The following FARP1 variants were observed in gnomAD, a reference collection of about 807,000 sequenced individuals.
The protein encoded by FARP1 is FERM, ARHGEF and pleckstrin domain-containing protein 1.
Under a neutral mutation model 128.8 loss-of-function variants are expected in FARP1, and 52 were observed. The observed-to-expected ratio is 0.40, with a 90% CI of 0.32 to 0.51. FARP1 has a LOEUF of 0.51. Ranked by LOEUF, FARP1 falls within the 20% of genes least tolerant of loss-of-function variation. FARP1 has a pLI of 0.45. For missense variants in FARP1, 1,333 were observed against 1,367.9 expected, an observed-to-expected ratio of 0.97 and a Z score of 0.40; for synonymous variants, 580 against 551.8, an observed-to-expected ratio of 1.05 and a Z score of -0.72.
At chr13:98,229,579 C>T (rs960513057) in intron 2 of FARP1, among the ~76,000 whole-genome samples, 10 of 151,814 alleles carry the variant, frequency 6.6e-5, no homozygotes, top group African/African-American at 1.9e-4. Flanking sequence ...TGGCTCACTG[C>T]AGCCTCAACC....
chr13:98,292,917 T>TA (rs1885513860), intron 2 of FARP1, among the ~76,000 whole-genome samples: 1 of 152,294 alleles, frequency 6.6e-6, no homozygotes, highest in Admixed American at 6.5e-5. Flanking sequence ...CCTGTGTAGA[T>TA]AACGTGCTTT....
intron 5 of FARP1, among the ~76,000 whole-genome samples, chr13:98,369,644 C>G (rs528519170): frequency 6.6e-6 from 1 of 152,162 alleles, no homozygotes; most frequent in East Asian, 1.9e-4. Context: ...CGATAGTTTA[C>G]TGAGAATGAT....
rs9582217 is a variant in FARP1 at position 98,344,490 on chromosome 13, G to A, written c.276+624G>A. On this transcript the variant is annotated intron_variant, in intron 3 of 26. Transcript: ENST00000319562. ...GAAGATGAGTCCCATTCCAGCTTGA[G>A]GAGGCAGGGGCATCCGTGGCATTCA... Among the ~76,000 whole-genome samples the A allele has an allele frequency of 6.8e-3, 1,037 of 151,976 alleles. 13 individuals carry two copies. Among genetic ancestry groups the A allele is most frequent in the African/African-American group, 0.023 (954 of 41,578 alleles).
chr13:98,282,676 A>G (rs961508778), intron 2 of FARP1, among the ~76,000 whole-genome samples: 1 of 152,164 alleles, frequency 6.6e-6, no homozygotes, highest in Non-Finnish European at 1.5e-5. Flanking sequence ...AGGCCGAGGC[A>G]GGCGGATCAC....
intron 2 of FARP1, among the ~76,000 whole-genome samples, chr13:98,252,036 C>A (rs2139495702): frequency 6.6e-6 from 1 of 152,158 alleles, no homozygotes; most frequent in Admixed American, 6.5e-5. Flanking sequence ...TTAGTAGAGA[C>A]AGGGTTTCAC....
chr13:98,297,676 C>A (rs534405870), intron 2 of FARP1, among the ~76,000 whole-genome samples: 1 of 152,118 alleles, frequency 6.6e-6, no homozygotes, highest in African/African-American at 2.4e-5. Flanking sequence ...TGTTTATGAA[C>A]GGGCTGACAT....
intron 1 of FARP1, among the ~76,000 whole-genome samples, chr13:98,145,550 G>A (rs1205855275): frequency 7.6e-6 from 1 of 131,924 alleles, no homozygotes; most frequent in Non-Finnish European, 1.8e-5. Flanking sequence ...CTGGAGGAAC[G>A]TTTTTGTTTC....
intron 1 of FARP1, among the ~76,000 whole-genome samples, chr13:98,157,146 C>T (rs1051539342): frequency 8.5e-5 from 13 of 152,306 alleles, no homozygotes; most frequent in African/African-American, 3.1e-4. Flanking sequence ...AAGCATGAAT[C>T]AGTGCCCTTT....
intron 2 of FARP1, among the ~76,000 whole-genome samples, chr13:98,266,059 T>A (rs1221168837): frequency 6.6e-6 from 1 of 152,116 alleles, no homozygotes; most frequent in Non-Finnish European, 1.5e-5. Flanking sequence ...TTTCCCATTT[T>A]TTTTTCCTAG....
At chr13:98,405,875 C>T (rs1406937866) in intron 13 of FARP1, 5 of 152,318 alleles carry the variant, frequency 3.3e-5, no homozygotes, top group Non-Finnish European at 4.4e-5. Context: ...GTCACAGTTT[C>T]CTCTCCCCGT....
chr13:98,332,188 T>A (rs1048692631), intron 2 of FARP1, among the ~76,000 whole-genome samples: 3 of 152,144 alleles, frequency 2.0e-5, no homozygotes, highest in African/African-American at 7.2e-5. Flanking sequence ...TTTTTCATCT[T>A]CCCAAACTGA....
chr13:98,204,148 G>A (rs1013674940), intron 1 of FARP1: 8 of 152,208 alleles, frequency 5.3e-5, no homozygotes, highest in African/African-American at 1.9e-4. Flanking sequence ...GAACCCTGAC[G>A]ATCAATGGGG....
At chr13:98,328,887 CA>C (rs1353282893) in intron 2 of FARP1, 1 of 152,042 alleles carries the variant, frequency 6.6e-6, no homozygotes, top group Non-Finnish European at 1.5e-5. Context: ...GCGGGAAATT[CA>C]AAACTTAGGG....
chr13:98,341,659 A>G (rs1210420601), intron 2 of FARP1, among the ~76,000 whole-genome samples: 1 of 152,138 alleles, frequency 6.6e-6, no homozygotes, highest in Non-Finnish European at 1.5e-5. Flanking sequence ...CAACAACAAC[A>G]ACAAAAATAA....
At chr13:98,187,370 A>G (rs1337520148) in intron 1 of FARP1, among the ~76,000 whole-genome samples, 2 of 152,216 alleles carry the variant, frequency 1.3e-5, no homozygotes, top group South Asian at 2.1e-4. Context: ...GCACCGTATG[A>G]TAAGTGTCAG....
chr13:98,214,019 A>G (rs953381125), intron 2 of FARP1, among the ~76,000 whole-genome samples: 1 of 152,076 alleles, frequency 6.6e-6, no homozygotes, highest in African/African-American at 2.4e-5. Context: ...AGGCCCTGCC[A>G]CCGCAGGGCC....
At chr13:98,442,327 A>G (rs1407485989) in intron 24 of FARP1, among the ~76,000 whole-genome samples, 1 of 152,222 alleles carries the variant, frequency 6.6e-6, no homozygotes, top group East Asian at 1.9e-4. Context: ...GAGTCTCGGA[A>G]TTTATTCTCG....
intron 2 of FARP1, among the ~76,000 whole-genome samples, chr13:98,301,290 G>C (rs1885913314): frequency 6.6e-6 from 1 of 152,148 alleles, no homozygotes; most frequent in Non-Finnish European, 1.5e-5. Flanking sequence ...GGCTTTCTCT[G>C]GTCCACGTGT....
At chr13:98,323,695 A>G (rs1338271404) in intron 2 of FARP1, among the ~76,000 whole-genome samples, 2 of 151,424 alleles carry the variant, frequency 1.3e-5, no homozygotes, top group Non-Finnish European at 2.9e-5. Flanking sequence ...CTTTTAAAGG[A>G]GAGCAGAAAG....
Sources: gnomAD v4.1 joint callset for allele counts (sites outside exome capture counted in the v4.1 genomes callset) on GRCh38, gnomAD v4.1.1 for gene constraint, MANE v1.5 for transcripts, NCBI Gene and HGNC (gene_info 2026-07-23, HGNC 2026-07-21) for gene names.